Variants in CA10 observed in about 807,000 individuals in gnomAD.
The protein encoded by CA10 is carbonic anhydrase 10 (inactive), also known as carbonic anhydrase-related protein 10.
CA10 carries 14 observed loss-of-function variants against 44.2 expected under a neutral mutation model. The ratio of observed to expected loss-of-function variants is 0.32; its 90% CI spans 0.21 to 0.50. CA10 has a LOEUF of 0.50. CA10 is among the 20% of genes least tolerant of loss of function. The pLI is 0.99. For synonymous variants in CA10, 159 were observed against 141.6 expected, an observed-to-expected ratio of 1.12 and a Z score of -0.87; for missense variants, 350 against 409.7, an observed-to-expected ratio of 0.85 and a Z score of 1.26.
At chr17:52,126,407 T>C (rs1472847191) in intron 1 of CA10, among the ~76,000 whole-genome samples, 1 of 152,222 alleles carries the variant, frequency 6.6e-6, no homozygotes, top group Non-Finnish European at 1.5e-5. Context: ...AAAATATCCA[T>C]CAGTCATTTA....
intron 4 of CA10, among the ~76,000 whole-genome samples, chr17:51,728,996 A>G (rs1916621740): frequency 6.6e-6 from 1 of 152,068 alleles, no homozygotes; most frequent in Non-Finnish European, 1.5e-5. Context: ...CAGGGGGAGG[A>G]GCATGCTAGA....
chr17:51,966,319 T>C (rs991920779), intron 2 of CA10, among the ~76,000 whole-genome samples: 2 of 151,742 alleles, frequency 1.3e-5, no homozygotes, highest in African/African-American at 4.8e-5. Context: ...ATTCCTATTA[T>C]ACTACCAATG....
chr17:51,951,404 T>C (rs117916381), intron 2 of CA10, among the ~76,000 whole-genome samples: 2,441 of 152,288 alleles, frequency 0.016, 31 homozygotes, highest in Non-Finnish European at 0.026. Context: ...AGAAAAATCA[T>C]CAAAATCCTG....
At chr17:51,773,884 G>A (rs1460962765) in intron 3 of CA10, among the ~76,000 whole-genome samples, 1 of 152,064 alleles carries the variant, frequency 6.6e-6, no homozygotes, top group Non-Finnish European at 1.5e-5. Flanking sequence ...CTCGGTTGCT[G>A]GTAGACAGAC....
At chr17:51,768,112 G>A (rs1345140229) in intron 3 of CA10, among the ~76,000 whole-genome samples, 5 of 151,774 alleles carry the variant, frequency 3.3e-5, no homozygotes, top group Admixed American at 6.6e-5. Context: ...GGAAAAGTTC[G>A]GGGTAGGGAT....
intron 4 of CA10, among the ~76,000 whole-genome samples, chr17:51,671,709 TG>T (rs1914435021): frequency 6.6e-6 from 1 of 152,184 alleles, no homozygotes; most frequent in Non-Finnish European, 1.5e-5. Context: ...CGGCCACATT[TG>T]GGTCTTTATC....
At chr17:52,064,129 T>C (rs1160725612) in intron 2 of CA10, among the ~76,000 whole-genome samples, 3 of 152,196 alleles carry the variant, frequency 2.0e-5, no homozygotes, top group Non-Finnish European at 4.4e-5. Context: ...GCAAACTGTG[T>C]TGTGAACTGC....
chr17:51,649,130 AG>A (rs944002169), intron 6 of CA10, 51 bp downstream of exon 6: 3 of 1,332,200 alleles, frequency 2.3e-6, no homozygotes, highest in Non-Finnish European at 3.2e-6. Context: ...GCCTTCAGGC[AG>A]GTCTAACCTT....
At chr17:52,104,820 C>T (rs1418422377) in intron 1 of CA10, among the ~76,000 whole-genome samples, 1 of 152,162 alleles carries the variant, frequency 6.6e-6, no homozygotes, top group Non-Finnish European at 1.5e-5. Context: ...TAGGGCTTTC[C>T]GTCGATTCAT....
intron 2 of CA10, among the ~76,000 whole-genome samples, chr17:51,945,854 G>A (rs925947761): frequency 6.6e-6 from 1 of 152,068 alleles, no homozygotes; most frequent in African/African-American, 2.4e-5. Context: ...AGTCTGAACT[G>A]CTCATTGGTA....
chr17:51,728,796 G>A (rs1206777961), intron 4 of CA10, among the ~76,000 whole-genome samples: 1 of 152,128 alleles, frequency 6.6e-6, no homozygotes, highest in Non-Finnish European at 1.5e-5. Flanking sequence ...GAAGAGGAGG[G>A]GAATTAGCAG....
intron 2 of CA10, among the ~76,000 whole-genome samples, chr17:52,061,337 C>G (rs1157232821): frequency 6.6e-6 from 1 of 152,098 alleles, no homozygotes; most frequent in Non-Finnish European, 1.5e-5. Context: ...CAGGTGGCTT[C>G]TAGAAGGTGG....
intron 3 of CA10, among the ~76,000 whole-genome samples, chr17:51,837,709 A>C (rs923509678): frequency 3.3e-5 from 5 of 152,224 alleles, no homozygotes; most frequent in Non-Finnish European, 7.3e-5. Flanking sequence ...ATATATGCCA[A>C]GTATACCTAT....
At chr17:52,157,486 A>G (rs966971622) in intron 1 of CA10, among the ~76,000 whole-genome samples, 2 of 137,968 alleles carry the variant, frequency 1.4e-5, no homozygotes, top group Non-Finnish European at 3.1e-5. Context: ...ATCCCCCACC[A>G]CTTTTTCCTT....
Position 51,636,025 on chromosome 17 carries a change from A to G in CA10, c.635-16T>C. ...TATGCATCATCTAGAGAAGGAAAGA[A>G]GACTTAAAAATTAGGTTTCTTGAGA... On this transcript the variant is annotated splice_polypyrimidine_tract_variant and intron_variant, in intron 6 of 8. Coordinates refer to ENST00000451037, the MANE Select transcript of CA10 (RefSeq NM_020178.5). The G allele has an allele frequency of 6.5e-7, 1 of 1,535,160 alleles. No homozygotes were observed. Among genetic ancestry groups the G allele is most frequent in the Non-Finnish European group, 8.8e-7 (1 of 1,134,998 alleles).
Position 51,791,924 on chromosome 17 carries a change from T to C in CA10, c.280-44106A>G, listed in dbSNP as rs1906533049. Among the ~76,000 whole-genome samples, 4 of 152,224 alleles carry C rather than the reference T, an allele frequency of 2.6e-5. No individual in the cohort carries two copies. The South Asian group carries it at 8.3e-4, about 32-fold the overall frequency. On this transcript the variant is annotated intron_variant, in intron 3 of 8. Coordinates refer to ENST00000451037, the MANE Select transcript of CA10 (RefSeq NM_020178.5). The stretch of plus-strand genomic sequence containing the variant: ...GAACCTATGTAATTCTGATTTGTAT[T>C]AAAATTCTTTATGCGTATTTCTGTT...
At chr17:51,839,265 G>T (rs982634850) in intron 3 of CA10, among the ~76,000 whole-genome samples, 3 of 152,114 alleles carry the variant, frequency 2.0e-5, no homozygotes, top group African/African-American at 7.2e-5. Context: ...GTCCAAGGTG[G>T]GCGGATCACG....
At chr17:51,840,198 A>T (rs904035053) in intron 3 of CA10, among the ~76,000 whole-genome samples, 4 of 152,170 alleles carry the variant, frequency 2.6e-5, no homozygotes, top group Non-Finnish European at 5.9e-5. Context: ...AGTATTTAAT[A>T]CGGACCCCAC....
chr17:51,739,011 A>G (rs1904354519), intron 4 of CA10, among the ~76,000 whole-genome samples: 1 of 152,082 alleles, frequency 6.6e-6, no homozygotes, highest in Non-Finnish European at 1.5e-5. Flanking sequence ...GATGGCCTCA[A>G]AAGTTCCTCC....
Sources: gnomAD v4.1 joint callset for allele counts (sites outside exome capture counted in the v4.1 genomes callset) on GRCh38, gnomAD v4.1.1 for gene constraint, MANE v1.5 for transcripts, NCBI Gene and HGNC (gene_info 2026-07-23, HGNC 2026-07-21) for gene names.